The following PHEX variants were observed in gnomAD, a reference collection of about 807,000 sequenced individuals.
The protein encoded by PHEX is phosphate-regulating neutral endopeptidase PHEX.
A neutral mutation model predicts 68.0 loss-of-function variants in PHEX; 16 were observed. That is an observed-to-expected ratio of 0.24 (90% CI 0.16 to 0.36). PHEX has a LOEUF of 0.36. PHEX is among the 10% of genes least tolerant of loss of function. The pLI is 1.00. For missense variants in PHEX, 480 were observed against 575.5 expected, an observed-to-expected ratio of 0.83 and a Z score of 1.70; for synonymous variants, 208 against 205.1, an observed-to-expected ratio of 1.01 and a Z score of -0.12.
At chrX:22,120,654 T>G (rs1439682884) in intron 11 of PHEX, among the ~76,000 whole-genome samples, 1 of 111,761 alleles carries the variant, frequency 8.9e-6, no homozygotes, top group African/African-American at 3.3e-5. Context: ...TGATTTAATC[T>G]AAGAATAACC....
At position 22,099,043 on chromosome X, in the gene PHEX, C is replaced by T. The variant is rs199965602; in HGVS notation, c.971C>T (p.Thr324Ile). The change falls in exon 9 of 22, where the codon ACC becomes ATC. Residue 324 changes from threonine to isoleucine, a missense_variant. Physicochemically the swap from Thr to Ile is moderately conservative, Grantham distance 89 (BLOSUM62 -1). Transcript: ENST00000379374. ...WLGYIKKVIDTRLYPHLKDIS... is the reference protein window; with the variant it reads ...WLGYIKKVIDIRLYPHLKDIS... ...GGCTACATCAAGAAGGTCATTGACA[C>T]CAGACTCTACCCCCATCTGAAAGAC... 2 of 1,205,918 alleles carry T rather than the reference C, an allele frequency of 1.7e-6. No individual in the cohort carries two copies. Among genetic ancestry groups the T allele is most frequent in the Non-Finnish European group, 2.2e-6 (2 of 892,276 alleles).
At chrX:22,103,334 G>A (rs1221595479) in intron 9 of PHEX, among the ~76,000 whole-genome samples, 1 of 110,447 alleles carries the variant, frequency 9.1e-6, no homozygotes, top group African/African-American at 3.3e-5. Flanking sequence ...ATAATTTTGG[G>A]GGAACAGGTG....
chrX:22,115,891 T>C (rs2147067218), intron 11 of PHEX, among the ~76,000 whole-genome samples: 1 of 112,801 alleles, frequency 8.9e-6, no homozygotes, highest in East Asian at 2.8e-4. Context: ...ATATCTTGGC[T>C]ATTATGAATA....
At chrX:22,217,675 C>G (rs926803432) in intron 16 of PHEX, among the ~76,000 whole-genome samples, 1 of 111,419 alleles carries the variant, frequency 9.0e-6, no homozygotes, top group Non-Finnish European at 1.9e-5. Flanking sequence ...GGTTGAATGA[C>G]TAAATTAAGA....
intron 15 of PHEX, among the ~76,000 whole-genome samples, chrX:22,205,300 TCTGTC>T (rs1243598470): frequency 8.9e-6 from 1 of 112,058 alleles, no homozygotes; most frequent in African/African-American, 3.2e-5. Flanking sequence ...CTCTGTCACT[TCTGTC>T]CAGAGGCTGC....
At chrX:22,129,033 G>C (rs1329843800) in intron 11 of PHEX, among the ~76,000 whole-genome samples, 2 of 111,339 alleles carry the variant, frequency 1.8e-5, no homozygotes, top group African/African-American at 6.5e-5. Flanking sequence ...TGTAATAAAA[G>C]TTATGTGAAT....
intron 2 of PHEX, among the ~76,000 whole-genome samples, chrX:22,040,114 A>C (rs1481650133): frequency 9.0e-6 from 1 of 111,730 alleles, no homozygotes; most frequent in Non-Finnish European, 1.9e-5. Context: ...GATTTCAGGG[A>C]GCCAGATTCT....
At chrX:22,229,816 A>G (rs1935649242) in intron 20 of PHEX, among the ~76,000 whole-genome samples, 1 of 112,186 alleles carries the variant, frequency 8.9e-6, no homozygotes, top group African/African-American at 3.2e-5. Flanking sequence ...GTCTTTGCCC[A>G]TGCCTATGTT....
chrX:22,235,855 A>T (rs1317030616), intron 20 of PHEX, among the ~76,000 whole-genome samples: 1 of 110,894 alleles, frequency 9.0e-6, no homozygotes, highest in African/African-American at 3.3e-5. Context: ...AACCACTGTT[A>T]TACATACCAT....
intron 14 of PHEX, among the ~76,000 whole-genome samples, chrX:22,189,344 C>T (rs1185852540): frequency 1.8e-5 from 2 of 112,199 alleles, no homozygotes; most frequent in East Asian, 5.6e-4. Flanking sequence ...TTTGAGGAAC[C>T]TCCAAATTGG....
intron 20 of PHEX, among the ~76,000 whole-genome samples, chrX:22,239,100 GGACCTCCAGCAAACTCCAGCA>G (rs936980435): frequency 1.8e-5 from 2 of 111,989 alleles, no homozygotes; most frequent in African/African-American, 3.3e-5. Context: ...GGTCTGGAGA[GGACCTCCAGCAAACTCCAGCA>G]GACCTACAGC....
At chrX:22,079,342 A>T (rs1371231020) in intron 5 of PHEX, among the ~76,000 whole-genome samples, 1 of 112,018 alleles carries the variant, frequency 8.9e-6, no homozygotes, top group African/African-American at 3.2e-5. Context: ...GTATCCATCA[A>T]CCCAGCTTCA....
Position 22,048,832 on chromosome X carries a change from A to G in PHEX, c.349+1621A>G, listed in dbSNP as rs144338583. ...ATTTCTCAGCTCCATTGAAGAAATA[A>G]AAAAAGAGCAAAAATTAGAAGAAAG... On this transcript the variant is annotated intron_variant, in intron 3 of 21. Coordinates refer to ENST00000379374, the MANE Select transcript of PHEX (RefSeq NM_000444.6). Among the ~76,000 whole-genome samples the G allele has an allele frequency of 5.4e-3, 600 of 111,997 alleles. 4 individuals carry two copies. Among genetic ancestry groups the G allele is most frequent in the African/African-American group, 0.019 (576 of 30,837 alleles).
chrX:22,086,472 G>A (rs1177584576), intron 5 of PHEX, among the ~76,000 whole-genome samples: 2 of 112,060 alleles, frequency 1.8e-5, no homozygotes, highest in African/African-American at 3.2e-5. Flanking sequence ...TAGAAACTAT[G>A]AGTCAGGGAA....
chrX:22,235,724 C>T (rs1935950829), intron 20 of PHEX, among the ~76,000 whole-genome samples: 2 of 111,175 alleles, frequency 1.8e-5, no homozygotes, highest in Non-Finnish European at 3.8e-5. Flanking sequence ...ATCCCCATTA[C>T]CCTATCTTAT....
At chrX:22,109,311 C>A (rs1256143270) in intron 9 of PHEX, among the ~76,000 whole-genome samples, 1 of 112,146 alleles carries the variant, frequency 8.9e-6, no homozygotes, top group African/African-American at 3.2e-5. Context: ...TTAACCAAAT[C>A]CTATATGGAC....
chrX:22,062,681 C>T (rs1928426091), intron 3 of PHEX, among the ~76,000 whole-genome samples: 1 of 111,245 alleles, frequency 9.0e-6, no homozygotes. Context: ...GCTTATAAAA[C>T]ACAGATGCCT....
intron 1 of PHEX, among the ~76,000 whole-genome samples, chrX:22,034,856 A>G (rs1926939818): frequency 8.9e-6 from 1 of 111,937 alleles, no homozygotes; most frequent in African/African-American, 3.3e-5. Flanking sequence ...AGGTGACCAT[A>G]TCTATTTGGA....
At chrX:22,225,556 C>T (rs1233112912) in intron 18 of PHEX, among the ~76,000 whole-genome samples, 1 of 104,552 alleles carries the variant, frequency 9.6e-6, no homozygotes, top group Admixed American at 1.0e-4. Flanking sequence ...ATATTTAATT[C>T]TGCCACTGTA....
Sources: allele counts gnomAD v4.1 joint callset (sites outside exome capture counted in the v4.1 genomes callset), GRCh38; gene constraint gnomAD v4.1.1; transcripts MANE v1.5; gene names NCBI Gene and HGNC (gene_info 2026-07-23, HGNC 2026-07-21).